The following STXBP6 variants were observed in gnomAD, a reference collection of about 807,000 sequenced individuals.
STXBP6 encodes syntaxin binding protein 6, also known as syntaxin-binding protein 6.
In STXBP6, 21 loss-of-function variants were observed where a neutral mutation model predicts 26.9. The observed-to-expected ratio is 0.78, with a 90% CI of 0.55 to 1.12. STXBP6 has a LOEUF of 1.12. Among genes scored for constraint, STXBP6 ranks in the 50% most tolerant of loss-of-function variants. STXBP6 has a pLI of 0.00. For missense variants in STXBP6, 232 were observed against 257.9 expected, an observed-to-expected ratio of 0.90 and a Z score of 0.69; for synonymous variants, 97 against 92.6, an observed-to-expected ratio of 1.05 and a Z score of -0.27.
At chr14:24,891,825 T>C (rs1461479317) in intron 2 of STXBP6, among the ~76,000 whole-genome samples, 2 of 152,240 alleles carry the variant, frequency 1.3e-5, no homozygotes, top group Admixed American at 6.5e-5. Context: ...CTTCTTCTAA[T>C]GTCTTGAACA....
chr14:24,996,880 A>AG (rs2074618402), intron 1 of STXBP6, among the ~76,000 whole-genome samples: 1 of 151,118 alleles, frequency 6.6e-6, no homozygotes, highest in South Asian at 2.1e-4. Context: ...AAAAAAAAAA[A>AG]AAAAAAGAGA....
chr14:24,829,713 T>A (rs890686298), intron 4 of STXBP6, among the ~76,000 whole-genome samples: 7 of 151,944 alleles, frequency 4.6e-5, no homozygotes, highest in African/African-American at 1.7e-4. Flanking sequence ...ACCTATTATT[T>A]GCAATAGGCA....
chr14:24,918,452 CCACACACACACACACA>C (rs55810129), intron 2 of STXBP6, among the ~76,000 whole-genome samples: 53 of 133,396 alleles, frequency 4.0e-4, no homozygotes, highest in Non-Finnish European at 5.4e-4. Context: ...CACACCCCCA[CCACACACACACACACA>C]CACACACACA....
intron 4 of STXBP6, among the ~76,000 whole-genome samples, chr14:24,837,571 C>T (rs1352983939): frequency 1.3e-5 from 2 of 152,134 alleles, no homozygotes; most frequent in Non-Finnish European, 2.9e-5. Context: ...CAGGTTGGAA[C>T]TCTCAGGTCC....
At chr14:24,974,030 T>A (rs980984610) in intron 2 of STXBP6, among the ~76,000 whole-genome samples, 1 of 152,074 alleles carries the variant, frequency 6.6e-6, no homozygotes, top group Non-Finnish European at 1.5e-5. Flanking sequence ...TTATCCAGAT[T>A]TTATCTCAAA....
At chr14:24,924,152 T>C (rs746273634) in intron 2 of STXBP6, among the ~76,000 whole-genome samples, 1 of 152,204 alleles carries the variant, frequency 6.6e-6, no homozygotes, top group Non-Finnish European at 1.5e-5. Context: ...ATGATTCCAG[T>C]TACTGAACAT....
intron 2 of STXBP6, among the ~76,000 whole-genome samples, chr14:24,947,360 A>G (rs1243180813): frequency 6.6e-6 from 1 of 152,214 alleles, no homozygotes; most frequent in Non-Finnish European, 1.5e-5. Context: ...GAAAATAGGG[A>G]CTGAGAGCAC....
At chr14:24,931,472 T>C (rs528977310) in intron 2 of STXBP6, among the ~76,000 whole-genome samples, 4 of 152,354 alleles carry the variant, frequency 2.6e-5, no homozygotes, top group Admixed American at 6.5e-5. Context: ...CTCATTTCTC[T>C]GAGCTTCCAC....
At chr14:24,880,878 A>G (rs900676733) in intron 2 of STXBP6, among the ~76,000 whole-genome samples, 1 of 152,204 alleles carries the variant, frequency 6.6e-6, no homozygotes, top group Non-Finnish European at 1.5e-5. Context: ...GGCAGTTCCA[A>G]TCTCTGAAAG....
chr14:24,840,526 TG>T (rs2068754373), intron 4 of STXBP6, among the ~76,000 whole-genome samples: 1 of 152,236 alleles, frequency 6.6e-6, no homozygotes, highest in Non-Finnish European at 1.5e-5. Context: ...AGAGCTTTCC[TG>T]GCTTCTGCTC....
intron 1 of STXBP6, among the ~76,000 whole-genome samples, chr14:24,985,503 C>T (rs868585693): frequency 3.6e-4 from 55 of 152,196 alleles, no homozygotes; most frequent in African/African-American, 1.3e-3. Flanking sequence ...CTGTATTACC[C>T]CCACTCTGGC....
intron 2 of STXBP6, among the ~76,000 whole-genome samples, chr14:24,934,593 G>A (rs1394882358): frequency 6.6e-6 from 1 of 152,100 alleles, no homozygotes; most frequent in East Asian, 1.9e-4. Flanking sequence ...AACATGGAGA[G>A]GCCACGGTTA....
At chr14:25,044,848 G>C (rs754531733) in intron 1 of STXBP6, among the ~76,000 whole-genome samples, 1 of 152,164 alleles carries the variant, frequency 6.6e-6, no homozygotes, top group African/African-American at 2.4e-5. Flanking sequence ...AGGCACAAAT[G>C]CAAGTCTTTA....
chr14:25,047,242 G>A (rs2075741427), intron 1 of STXBP6, among the ~76,000 whole-genome samples: 1 of 152,148 alleles, frequency 6.6e-6, no homozygotes, highest in Non-Finnish European at 1.5e-5. Context: ...CTACCCAAGG[G>A]TGATCTAAAA....
chr14:24,964,868 T>C (rs1464047809), intron 2 of STXBP6, among the ~76,000 whole-genome samples: 3 of 152,164 alleles, frequency 2.0e-5, no homozygotes, highest in South Asian at 2.1e-4. Flanking sequence ...CCAGTAAAGA[T>C]AGGTGTAGGA....
At chr14:24,842,323 G>C (rs1008106117) in intron 4 of STXBP6, among the ~76,000 whole-genome samples, 1 of 152,206 alleles carries the variant, frequency 6.6e-6, no homozygotes, top group Non-Finnish European at 1.5e-5. Context: ...CTTTGCATGG[G>C]TGCACTTGTA....
Position 24,935,123 on chromosome 14 carries a change from C to T in STXBP6, c.154+39542G>A, listed in dbSNP as rs1031331162. Among the ~76,000 whole-genome samples, 7 of 151,960 alleles carry T rather than the reference C, an allele frequency of 4.6e-5. 2 individuals carry two copies. Among genetic ancestry groups the T allele is most frequent in the Admixed American group, 3.9e-4 (6 of 15,262 alleles). On this transcript the variant is annotated intron_variant, in intron 2 of 5. Coordinates refer to ENST00000323944, the MANE Select transcript of STXBP6 (RefSeq NM_001394410.1). Reference sequence around the variant, plus strand: ...ATGTATTTTATAAAAATTAGTATTGCACTATAGCACTGAATTAAAATCCTT... The same window carrying T: ...ATGTATTTTATAAAAATTAGTATTGTACTATAGCACTGAATTAAAATCCTT...
intron 4 of STXBP6, among the ~76,000 whole-genome samples, chr14:24,855,250 A>G (rs2069287776): frequency 1.3e-5 from 2 of 152,170 alleles, no homozygotes; most frequent in Non-Finnish European, 2.9e-5. Context: ...AAACCAAGAG[A>G]CAGGTCAGTG....
In STXBP6 at chr14:24,959,546, T is replaced by G. The variant is rs535646594; in HGVS notation, c.154+15119A>C. On this transcript the variant is annotated intron_variant, in intron 2 of 5. Coordinates refer to ENST00000323944, the MANE Select transcript of STXBP6 (RefSeq NM_001394410.1). ...CCAATTTCATGGAAAAGGAGTATTG[T>G]GACTTAACGTTTATCTTCAGGTAAG... 4.8e-4 allele frequency among the ~76,000 whole-genome samples: 73 copies of G among 152,354 alleles called. 2 individuals are homozygous for G. The South Asian group carries it at 0.011, about 22-fold the overall frequency.
Sources: gnomAD v4.1 joint callset for allele counts (sites outside exome capture counted in the v4.1 genomes callset) on GRCh38, gnomAD v4.1.1 for gene constraint, MANE v1.5 for transcripts, NCBI Gene and HGNC (gene_info 2026-07-23, HGNC 2026-07-21) for gene names.